GREM1: variants seen among roughly 807,000 people sequenced by gnomAD.
The protein encoded by GREM1 is gremlin-1.
GREM1 carries 6 observed loss-of-function variants against 13.1 expected under a neutral mutation model. That is an observed-to-expected ratio of 0.46 (90% CI 0.25 to 0.91). The LOEUF (loss-of-function observed/expected upper bound fraction) is 0.91, where lower values mean the gene tolerates loss of function less well. GREM1 is among the 40% of genes least tolerant of loss of function. The pLI is 0.18. For missense variants in GREM1, 185 were observed against 233.9 expected (o/e 0.79, Z 1.36); for synonymous variants, 98 against 93.7 (o/e 1.05, Z -0.27).
At chr15:32,723,030 G>C (rs1595845514) in intron 1 of GREM1, among the ~76,000 whole-genome samples, 1 of 152,210 alleles carries the variant, frequency 6.6e-6, no homozygotes. Context: ...CATTTCATAA[G>C]TGGTGGAAAT....
Position 32,733,781 on chromosome 15 carries a change from TTAAAA to T in GREM1, c.*2540_*2544del, listed in dbSNP as rs1346180681. 17 of 236,188 alleles carry T rather than the reference TTAAAA, an allele frequency of 7.2e-5. No homozygotes were observed. Among genetic ancestry groups the T allele is most frequent in the Middle Eastern group, 1.4e-3 (1 of 728 alleles). The allele number at this position is 236,188 out of a possible 1,614,324, so 14.6% of individuals were successfully genotyped here. A position where few individuals can be genotyped will look rare whatever the true frequency, so the allele number is the denominator to read the frequency against. ...ATATTTGTGGTCTTGATCATACCTA[TTAAAA>T]TAATGCCAAACACCAAATATGAATT... On this transcript the variant is annotated 3_prime_UTR_variant, in exon 2 of 2. Coordinates refer to ENST00000651154, the MANE Select transcript of GREM1 (RefSeq NM_013372.7).
At chr15:32,718,792 C>T (rs1206328875) in intron 1 of GREM1, 3 of 271,942 alleles carry the variant, frequency 1.1e-5, no homozygotes, top group Non-Finnish European at 2.2e-5. Context: ...CGGTGCGGGG[C>T]GCGGCCCTGG....
At chr15:32,724,771 A>T (rs1477489464) in intron 1 of GREM1, among the ~76,000 whole-genome samples, 2 of 151,938 alleles carry the variant, frequency 1.3e-5, no homozygotes, top group Non-Finnish European at 1.5e-5. Flanking sequence ...TATTTCTCCT[A>T]ATGCTACCCC....
In GREM1 at chr15:32,739,271, C is replaced by T. The variant is rs1452481940; in HGVS notation, c.*8026C>T. The T allele has an allele frequency of 6.6e-6, 1 of 152,176 alleles. No individual in the cohort carries two copies. Among genetic ancestry groups the T allele is most frequent in the Non-Finnish European group, 1.5e-5 (1 of 68,032 alleles). 9.4% of individuals were successfully genotyped at this position (152,176 alleles called of 1,614,324 possible). On this transcript the variant is annotated 3_prime_UTR_variant, in exon 2 of 2. Coordinates refer to ENST00000651154, the MANE Select transcript of GREM1 (RefSeq NM_013372.7). ...CTTCACAGAAACTCTCCTTATACCCCACCTCAATTTTAATCTTTTTCTGTA... is the reference window on the plus strand; with the variant it reads ...CTTCACAGAAACTCTCCTTATACCCTACCTCAATTTTAATCTTTTTCTGTA...
chr15:32,720,515 A>G (rs1026945301), intron 1 of GREM1, among the ~76,000 whole-genome samples: 1 of 152,198 alleles, frequency 6.6e-6, no homozygotes, highest in African/African-American at 2.4e-5. Context: ...TGTAAAGGAA[A>G]GGCAGGTGGG....
At chr15:32,728,590 T>C (rs941392411) in intron 1 of GREM1, among the ~76,000 whole-genome samples, 4 of 152,368 alleles carry the variant, frequency 2.6e-5, no homozygotes, top group Admixed American at 2.6e-4. Flanking sequence ...ATCTAGATCC[T>C]ACACTGCCTT....
At chr15:32,719,416 C>G (rs1005790142) in intron 1 of GREM1, among the ~76,000 whole-genome samples, 5 of 152,210 alleles carry the variant, frequency 3.3e-5, no homozygotes, top group African/African-American at 1.2e-4. Flanking sequence ...GAAATTCCTG[C>G]GCGCCCGGAG....
At chr15:32,729,426 G>A (rs186623788) in intron 1 of GREM1, among the ~76,000 whole-genome samples, 74 of 152,224 alleles carry the variant, frequency 4.9e-4, no homozygotes, top group African/African-American at 1.7e-3. Flanking sequence ...TTAAAAATAT[G>A]CTGCTCCTTC....
At chr15:32,730,582 C>T (rs920504951) in intron 1 of GREM1, 108 bp from the exon 2 acceptor site, 6 of 714,374 alleles carry the variant, frequency 8.4e-6, no homozygotes, top group Admixed American at 3.2e-5. Context: ...GAATATTTCA[C>T]GTTAAGTGTT....
At chr15:32,728,147 A>AGT (rs2055547105) in intron 1 of GREM1, among the ~76,000 whole-genome samples, 2 of 152,238 alleles carry the variant, frequency 1.3e-5, no homozygotes, top group Non-Finnish European at 2.9e-5. Flanking sequence ...TTTAAATTTC[A>AGT]TATGGAACTG....
rs2055601512 is a variant in GREM1, at chr15:32,730,758, A to T, written c.68A>T (p.Glu23Val). ...TTGGGGACCCTGCTGCCGGCTGCTG[A>T]AGGGAAAAAGAAAGGGTCCCAAGGT... ...LLLGTLLPAA[E>V]GKKKGSQGAI... The change falls in exon 2 of 2, where the codon GAA (glutamate) becomes GTA (valine). Residue 23 changes from glutamate to valine, a missense_variant. Transcript: ENST00000651154. The T allele has an allele frequency of 1.9e-6, 3 of 1,610,932 alleles. No individual in the cohort carries two copies. In the South Asian group the frequency reaches 3.3e-5, roughly 18 times the overall value.
At chr15:32,728,554 A>G (rs1044692828) in intron 1 of GREM1, among the ~76,000 whole-genome samples, 10 of 152,336 alleles carry the variant, frequency 6.6e-5, no homozygotes, top group African/African-American at 2.4e-4. Flanking sequence ...AATGGTGTTT[A>G]CTTACCATGT....
At chr15:32,723,128 A>C (rs1045693443) in intron 1 of GREM1, among the ~76,000 whole-genome samples, 2 of 152,222 alleles carry the variant, frequency 1.3e-5, no homozygotes, top group Admixed American at 6.5e-5. Flanking sequence ...AATTTTTACT[A>C]TGGGACACCC....
At chr15:32,728,797 G>T (rs1423574656) in intron 1 of GREM1, among the ~76,000 whole-genome samples, 2 of 152,172 alleles carry the variant, frequency 1.3e-5, no homozygotes, top group Admixed American at 6.5e-5. Context: ...CAGGATTCAG[G>T]TCCGATTGTT....
chr15:32,731,502 A>C lies in GREM1; in HGVS notation c.*257A>C. 2.0e-6 allele frequency: 1 copy of C among 502,556 alleles called. No individual in the cohort carries two copies. Among genetic ancestry groups the C allele is most frequent in the South Asian group, 3.2e-5 (1 of 31,308 alleles). The allele number at this position is 502,556 out of a possible 1,614,324, so 31.1% of individuals were successfully genotyped here. Reference sequence around the variant, plus strand: ...TGTAAACATATCTGCTTTAATGGGGATGTACCAGAAACCCACCTCACCCCG... The same window carrying C: ...TGTAAACATATCTGCTTTAATGGGGCTGTACCAGAAACCCACCTCACCCCG... On this transcript the variant is annotated 3_prime_UTR_variant, in exon 2 of 2. Transcript: ENST00000651154.
chr15:32,724,007 GT>G (rs1232017478), intron 1 of GREM1, among the ~76,000 whole-genome samples: 1 of 152,156 alleles, frequency 6.6e-6, no homozygotes, highest in Non-Finnish European at 1.5e-5. Flanking sequence ...GCGAAGAATG[GT>G]ACCTCTGTAA....
rs1439294018 is a variant in GREM1, at chr15:32,731,021, C to T, written c.331C>T (p.Arg111Cys). The change falls in exon 2 of 2, where the codon CGC (arginine) becomes TGC (cysteine). Residue 111 changes from arginine to cysteine, a missense_variant. Arg to Cys is a radical substitution (Grantham distance 180). Transcript: ENST00000651154. ...CATCCACGAGGAAGGCTGCAACAGT[C>T]GCACCATCATCAACCGCTTCTGTTA... Reference protein sequence around the residue: ...QTIHEEGCNSRTIINRFCYGQ... With the variant: ...QTIHEEGCNSCTIINRFCYGQ... 2 of 1,614,028 alleles carry T rather than the reference C, an allele frequency of 1.2e-6. No individual in the cohort carries two copies. The highest frequency in any genetic ancestry group is 8.5e-7 in the Non-Finnish European group (1 of 1,180,000).
At position 32,738,083 on chromosome 15, in the gene GREM1, CAAAAAAA is replaced by C. The variant is rs67118209; in HGVS notation, c.*6882_*6888del. ...GGAGGTTCTACCTAGGGTAATTAGG[CAAAAAAA>C]AAAAAAAAAAAAAAAAAAAAAAAAA... is the stretch of plus-strand genomic sequence containing the variant. On this transcript the variant is annotated 3_prime_UTR_variant, in exon 2 of 2. Transcript: ENST00000651154. The C allele has an allele frequency of 3.0e-3, 56 of 18,930 alleles. 1 individual carries two copies. Among genetic ancestry groups the C allele is most frequent in the African/African-American group, 0.013 (55 of 4,378 alleles). The allele number at this position is 18,930 out of a possible 1,614,324, so 1.2% of individuals were successfully genotyped here.
chr15:32,730,322 T>A (rs540412327), intron 1 of GREM1, among the ~76,000 whole-genome samples: 1 of 152,202 alleles, frequency 6.6e-6, no homozygotes, highest in Non-Finnish European at 1.5e-5. Flanking sequence ...GGTTAATTCA[T>A]CTTGCTGTAA....
Sources: gnomAD v4.1 joint callset for allele counts (sites outside exome capture counted in the v4.1 genomes callset) on GRCh38, gnomAD v4.1.1 for gene constraint, MANE v1.5 for transcripts, NCBI Gene and HGNC (gene_info 2026-07-23, HGNC 2026-07-21) for gene names.